Variants in CRYM observed in about 807,000 individuals in gnomAD.
CRYM encodes crystallin mu.
In CRYM, 18 loss-of-function variants were observed where a neutral mutation model predicts 32.9. That is an observed-to-expected ratio of 0.55 (90% CI 0.38 to 0.81). The LOEUF is 0.81. Among genes scored for constraint, CRYM ranks in the 30% least tolerant of loss-of-function variants. CRYM has a pLI of 0.00. For synonymous variants in CRYM, 153 were observed against 152.4 expected (o/e 1.00, Z -0.03); for missense variants, 337 against 393.5 (o/e 0.86, Z 1.21).
chr16:21,297,640 G>A (rs967804260), intron 1 of CRYM, among the ~76,000 whole-genome samples: 4 of 152,142 alleles, frequency 2.6e-5, no homozygotes, highest in African/African-American at 9.7e-5. Context: ...AAATGTTTCT[G>A]TATCATGAAT....
At chr16:21,290,985 C>T in intron 1 of CRYM, among the ~76,000 whole-genome samples, 1 of 152,272 alleles carries the variant, frequency 6.6e-6, no homozygotes, top group East Asian at 1.9e-4. Flanking sequence ...TTTTCCAAAG[C>T]TGTAATTATC....
At chr16:21,296,081 C>T (rs1960782498) in intron 1 of CRYM, among the ~76,000 whole-genome samples, 2 of 152,146 alleles carry the variant, frequency 1.3e-5, no homozygotes, top group Non-Finnish European at 2.9e-5. Context: ...AAGTAAAAGA[C>T]CATTTTCCAC....
upstream of CRYM, among the ~76,000 whole-genome samples, chr16:21,282,202 G>A (rs1164797054): frequency 6.6e-6 from 1 of 152,204 alleles, no homozygotes; most frequent in Non-Finnish European, 1.5e-5. Context: ...CATGTAAGAT[G>A]TGACTTGTTC....
intron 1 of CRYM, among the ~76,000 whole-genome samples, chr16:21,288,280 T>C (rs2093410690): frequency 6.6e-6 from 1 of 152,244 alleles, no homozygotes; most frequent in Non-Finnish European, 1.5e-5. Context: ...ACTAATTAAA[T>C]ATCTTATTAT....
At chr16:21,267,840 G>A in intron 4 of CRYM, 103 bp from the exon 5 acceptor site, 1 of 1,102,656 alleles carries the variant, frequency 9.1e-7, no homozygotes, top group Non-Finnish European at 1.4e-6. Flanking sequence ...TCTGGCATAG[G>A]GGTCAGTGGT....
At chr16:21,297,339 A>C (rs538705931) in intron 1 of CRYM, among the ~76,000 whole-genome samples, 1 of 152,208 alleles carries the variant, frequency 6.6e-6, no homozygotes, top group South Asian at 2.1e-4. Flanking sequence ...GTTACAGAGA[A>C]CTGAGATCTC....
intron 1 of CRYM, among the ~76,000 whole-genome samples, chr16:21,288,849 T>C (rs1195076799): frequency 6.6e-6 from 1 of 152,176 alleles, no homozygotes; most frequent in Non-Finnish European, 1.5e-5. Context: ...ATCTGACTCA[T>C]TTGTTGCTTA....
At chr16:21,260,930 C>G (rs1297244458) in intron 7 of CRYM, among the ~76,000 whole-genome samples, 1 of 152,190 alleles carries the variant, frequency 6.6e-6, no homozygotes, top group Non-Finnish European at 1.5e-5. Flanking sequence ...TCATCAAGAT[C>G]TGCACCGAAC....
chr16:21,290,312 C>T (rs7187456), intron 1 of CRYM, among the ~76,000 whole-genome samples: 41 of 151,996 alleles, frequency 2.7e-4, no homozygotes, highest in African/African-American at 7.7e-4. Context: ...ACGAACCCAC[C>T]GGGAGGGACA....
At chr16:21,294,539 TC>T (rs1011754643) in intron 1 of CRYM, among the ~76,000 whole-genome samples, 7 of 151,928 alleles carry the variant, frequency 4.6e-5, no homozygotes, top group African/African-American at 1.2e-4. Flanking sequence ...TGTCTGATGT[TC>T]CCCTCCCTGT....
chr16:21,259,752 GA>G (rs1383156400), intron 7 of CRYM, among the ~76,000 whole-genome samples: 15 of 152,326 alleles, frequency 9.8e-5, no homozygotes, highest in African/African-American at 3.6e-4. Flanking sequence ...TGCATCCTTT[GA>G]TATCTCCCCT....
At chr16:21,275,976 T>C (rs552192626) in intron 2 of CRYM, among the ~76,000 whole-genome samples, 98 of 152,246 alleles carry the variant, frequency 6.4e-4, no homozygotes, top group Non-Finnish European at 1.1e-3. Context: ...GGTTGCCAAT[T>C]GACATCTGGA....
At chr16:21,300,569 C>T (rs983163521) in intron 1 of CRYM, 2 of 151,626 alleles carry the variant, frequency 1.3e-5, no homozygotes, top group African/African-American at 4.8e-5. Flanking sequence ...CACGTGAGTC[C>T]CAATAAACTC....
chr16:21,299,644 T>A (rs933715749), intron 1 of CRYM, among the ~76,000 whole-genome samples: 1 of 152,206 alleles, frequency 6.6e-6, no homozygotes, highest in Non-Finnish European at 1.5e-5. Context: ...GTGTTTTACA[T>A]TGGGCAGGTG....
intron 2 of CRYM, among the ~76,000 whole-genome samples, chr16:21,276,673 C>G (rs913748435): frequency 1.3e-5 from 2 of 152,170 alleles, no homozygotes; most frequent in Non-Finnish European, 2.9e-5. Context: ...ATCAGCGTCT[C>G]CTTCTTGGCA....
At chr16:21,279,105 T>G (rs1476716663), upstream of CRYM, 1 of 152,168 alleles carries the variant, frequency 6.6e-6, no homozygotes, top group Non-Finnish European at 1.5e-5. Flanking sequence ...AAGGGCTTCA[T>G]GAAAGAGTGG....
At chr16:21,274,966 AC>A (rs1424743687) in intron 3 of CRYM, among the ~76,000 whole-genome samples, 2 of 152,254 alleles carry the variant, frequency 1.3e-5, no homozygotes, top group Non-Finnish European at 2.9e-5. Context: ...TGTTTTTCTC[AC>A]TGCCATTTCC....
At chr16:21,285,769 C>T (rs561412049) in intron 1 of CRYM, among the ~76,000 whole-genome samples, 12 of 152,156 alleles carry the variant, frequency 7.9e-5, no homozygotes, top group Non-Finnish European at 1.8e-4. Context: ...AAGGCAAATG[C>T]TTCAAATTTG....
intron 3 of CRYM, among the ~76,000 whole-genome samples, chr16:21,272,201 A>G (rs2093376991): frequency 6.6e-6 from 1 of 152,196 alleles, no homozygotes; most frequent in Non-Finnish European, 1.5e-5. Flanking sequence ...ATTAAACAGC[A>G]TTAGTGGCAC....
Sources: allele counts gnomAD v4.1 joint callset (sites outside exome capture counted in the v4.1 genomes callset), GRCh38; gene constraint gnomAD v4.1.1; transcripts MANE v1.5; gene names NCBI Gene and HGNC (gene_info 2026-07-23, HGNC 2026-07-21).